TNRC18: variants seen among roughly 807,000 people sequenced by gnomAD.
TNRC18 encodes trinucleotide repeat containing 18.
Under a neutral mutation model 226.7 loss-of-function variants are expected in TNRC18, and 69 were observed. That is an observed-to-expected ratio of 0.30 (90% CI 0.25 to 0.37). TNRC18 has a LOEUF of 0.37. Ranked by LOEUF, TNRC18 falls within the 10% of genes least tolerant of loss-of-function variation. The probability of loss-of-function intolerance (pLI) is 1.00; values close to 1 mark genes in which losing one functional copy is unlikely to be tolerated. For missense variants in TNRC18, 4,754 were observed against 4,256.6 expected (o/e 1.12, Z -3.25); for synonymous variants, 2,449 against 1,927.6 (o/e 1.27, Z -7.09).
Position 5,324,241 on chromosome 7 carries a change from C to T in TNRC18, c.6415G>A (p.Gly2139Arg), listed in dbSNP as rs750047067. Reference sequence around the variant, plus strand: ...GGGGTCAGCGGCCGCTCCACAGCCCCGCCACGCGGCAGGTGCTCGTCCTCA... The same window carrying T: ...GGGGTCAGCGGCCGCTCCACAGCCCTGCCACGCGGCAGGTGCTCGTCCTCA... ...FSEDEHLPRG[G>R]AVERPLTPAP... Residue 2139 changes from glycine (G) to arginine (R), a missense_variant, in exon 21 of 30, where the codon GGG becomes AGG. Transcript: ENST00000430969. The surrounding 1 kb of genome is among the most constrained non-coding windows in gnomAD (Gnocchi z 4.8). The T allele has an allele frequency of 5.7e-5, 91 of 1,610,360 alleles. No homozygotes were observed. The highest frequency in any genetic ancestry group is 3.3e-4 in the Middle Eastern group (2 of 6,046).
At chr7:5,386,757 AAAT>A (rs1779820666) in intron 5 of TNRC18, among the ~76,000 whole-genome samples, 1 of 152,060 alleles carries the variant, frequency 6.6e-6, no homozygotes, top group East Asian at 1.9e-4. Flanking sequence ...CTCTAAAACA[AAAT>A]AATAATTTAT....
At chr7:5,379,688 A>G (rs551299089) in intron 5 of TNRC18, among the ~76,000 whole-genome samples, 137 of 152,334 alleles carry the variant, frequency 9.0e-4, no homozygotes, top group Non-Finnish European at 1.3e-3. Flanking sequence ...TGAGCCAGAG[A>G]TGGGACACAC....
At chr7:5,386,560 C>T (rs181704477) in intron 5 of TNRC18, among the ~76,000 whole-genome samples, 1 of 142,428 alleles carries the variant, frequency 7.0e-6, no homozygotes, top group Admixed American at 7.2e-5. Flanking sequence ...GGCAACAATG[C>T]AAGACTCTGT....
chr7:5,369,131 T>C (rs972126628), intron 11 of TNRC18, among the ~76,000 whole-genome samples: 11 of 152,100 alleles, frequency 7.2e-5, no homozygotes, highest in Admixed American at 7.2e-4. Context: ...GCGGGTCACT[T>C]GAGGTCGGGA....
chr7:5,380,670 C>T (rs1200328177), intron 5 of TNRC18, among the ~76,000 whole-genome samples: 1 of 152,186 alleles, frequency 6.6e-6, no homozygotes, highest in African/African-American at 2.4e-5. Flanking sequence ...GAAGCTGAGC[C>T]CACCATGCAC....
intron 18 of TNRC18, 45 bp downstream of exon 18, chr7:5,345,517 G>GCCACCCCCCC: frequency 1.3e-5 from 5 of 377,744 alleles, no homozygotes; most frequent in South Asian, 8.8e-5. Context: ...AATGGCGTCC[G>GCCACCCCCCC]CCCCTCCCAC....
intron 2 of TNRC18, among the ~76,000 whole-genome samples, chr7:5,402,491 C>T (rs1254352964): frequency 2.0e-5 from 3 of 151,408 alleles, no homozygotes; most frequent in Non-Finnish European, 4.4e-5. Flanking sequence ...GCCGAGATCG[C>T]GCCACCACAC....
rs145329943 is a variant in TNRC18, at chr7:5,417,066, G to T, written c.187+3994C>A. Among the ~76,000 whole-genome samples the T allele has an allele frequency of 5.2e-3, 784 of 152,216 alleles. 7 individuals are homozygous for T. The highest frequency in any genetic ancestry group is 0.018 in the African/African-American group (754 of 41,518). ...AAATCCCAGCACTTTGGGAGGCCAA[G>T]GCAGGAGGAGGCCAGGAGTTTGAGG... On this transcript the variant is annotated intron_variant, in intron 2 of 29. Coordinates refer to ENST00000430969, the MANE Select transcript of TNRC18 (RefSeq NM_001080495.3).
chr7:5,377,839 C>G lies in TNRC18; in HGVS notation c.2255+83G>C, dbSNP rs1779112859. 7 of 1,389,156 alleles carry G rather than the reference C, an allele frequency of 5.0e-6. No homozygotes were observed. 86.1% of individuals were successfully genotyped at this position (1,389,156 alleles called of 1,614,324 possible). A position where few individuals can be genotyped will look rare whatever the true frequency, so the allele number is the denominator to read the frequency against. ...AGCATCCATGGTCGAGGGGCCAAGC[C>G]CACCTGGGGTCATCCAGCTGCCCCT... On this transcript the variant is annotated intron_variant, in intron 6 of 29. Coordinates refer to ENST00000430969, the MANE Select transcript of TNRC18 (RefSeq NM_001080495.3). The surrounding 1 kb of genome is among the most constrained non-coding windows in gnomAD (Gnocchi z 5.8).
intron 2 of TNRC18, among the ~76,000 whole-genome samples, chr7:5,398,252 C>G (rs1248249390): frequency 6.6e-6 from 1 of 152,000 alleles, no homozygotes; most frequent in Non-Finnish European, 1.5e-5. Context: ...CTCACCGCAC[C>G]TTCCGCCACC....
chr7:5,377,545 G>A lies in TNRC18; in HGVS notation c.2287C>T (p.Leu763=). ...ESKELADLAR[L]HPTSCAPNGL... is the part of the protein sequence containing the mutation. ...TTAGGAGCACAGCTGGTAGGGTGCA[G>A]GCGGGCCAGGTCAGCCAGCTCCTTA... The change falls in exon 7 of 30, where the codon CTG becomes TTG. Residue 763 remains leucine (L), a synonymous_variant. Transcript: ENST00000430969. The surrounding 1 kb of genome is among the most constrained non-coding windows in gnomAD (Gnocchi z 5.8). The A allele has an allele frequency of 6.3e-7, 1 of 1,588,684 alleles. No homozygotes were observed. The highest frequency in any genetic ancestry group is 8.6e-7 in the Non-Finnish European group (1 of 1,167,976).
At position 5,376,601 on chromosome 7, in the gene TNRC18, C is replaced by A. The variant is rs73055890; in HGVS notation, c.2608+246G>T. Among the ~76,000 whole-genome samples the A allele has an allele frequency of 5.0e-3, 766 of 152,230 alleles. 3 individuals carry two copies. The highest frequency in any genetic ancestry group is 0.017 in the Middle Eastern group (5 of 294). On this transcript the variant is annotated intron_variant, in intron 8 of 29. Coordinates refer to ENST00000430969, the MANE Select transcript of TNRC18 (RefSeq NM_001080495.3). Reference sequence around the variant, plus strand: ...GGCGGTGGCGCCAGGTAAGGGGAATCCCAGCCCCCACCCAGGGCTGCCTGT... The same window carrying A: ...GGCGGTGGCGCCAGGTAAGGGGAATACCAGCCCCCACCCAGGGCTGCCTGT...
At chr7:5,392,901 A>G (rs1780403005) in intron 3 of TNRC18, among the ~76,000 whole-genome samples, 1 of 152,042 alleles carries the variant, frequency 6.6e-6, no homozygotes, top group African/African-American at 2.4e-5. Context: ...AGTCGCAGCT[A>G]CTCAGGAGGC....
chr7:5,332,613 G>A lies in TNRC18; in HGVS notation c.6147+9C>T, dbSNP rs771811403. On this transcript the variant is annotated intron_variant, in intron 19 of 29. Transcript: ENST00000430969. ...CTTCTGCGGCACCCCCTCCCAGCGC[G>A]GCCCCTACCTTCCTGGGGTCCTTCC... is the stretch of plus-strand genomic sequence containing the variant. 5.3e-6 allele frequency: 8 copies of A among 1,519,120 alleles called. No individual in the cohort carries two copies. Among genetic ancestry groups the A allele is most frequent in the African/African-American group, 2.9e-5 (2 of 69,316 alleles). The allele number at this position is 1,519,120 out of a possible 1,614,324, so 94.1% of individuals were successfully genotyped here.
rs1787360811 is a variant in TNRC18, at chr7:5,312,771, G to C, written c.8120C>G (p.Ala2707Gly). ...AALPTKATKQ[A>G]GKARPSAHSP... Reference sequence around the variant, plus strand: ...GTGGGCCGAGGGCCGCGCCTTGCCGGCCTGCTTGGTGGCCTTGGTGGGGAG... The same window carrying C: ...GTGGGCCGAGGGCCGCGCCTTGCCGCCCTGCTTGGTGGCCTTGGTGGGGAG... Residue 2707 changes from alanine (A) to glycine (G), a missense_variant, in exon 27 of 30, where the codon GCC becomes GGC. Ala to Gly is a moderately conservative substitution (Grantham distance 60, BLOSUM62 0). Transcript: ENST00000430969. This position sits in a 1 kb window ranked among gnomAD's most constrained non-coding sequence, Gnocchi z 6.3. The C allele has an allele frequency of 6.5e-7, 1 of 1,533,560 alleles. No individual in the cohort carries two copies. 95.0% of individuals were successfully genotyped at this position (1,533,560 alleles called of 1,614,324 possible).
chr7:5,344,901 G>A (rs965200484), intron 18 of TNRC18, among the ~76,000 whole-genome samples: 1 of 152,178 alleles, frequency 6.6e-6, no homozygotes, highest in Non-Finnish European at 1.5e-5. Flanking sequence ...TGGAGAGACA[G>A]GAAAGACATG....
chr7:5,325,404 GT>G, intron 19 of TNRC18, 156 bp from the exon 20 acceptor site: 3 of 774,084 alleles, frequency 3.9e-6, no homozygotes, highest in South Asian at 1.9e-5. Flanking sequence ...TCCTGCAAGC[GT>G]TTTTGGTTTT....
chr7:5,325,401 A>C (rs1788799323), intron 19 of TNRC18, 153 bp from the exon 20 acceptor site: 1 of 826,036 alleles, frequency 1.2e-6, no homozygotes, highest in South Asian at 1.8e-5. Context: ...TCTTCCTGCA[A>C]GCGTTTTTGG....
At chr7:5,359,690 G>T in intron 14 of TNRC18, 121 bp from the exon 15 acceptor site, 1 of 1,050,776 alleles carries the variant, frequency 9.5e-7, no homozygotes, top group Non-Finnish European at 1.4e-6. Context: ...TGATGGCAGA[G>T]TGACGGGCGT....
Sources: gnomAD v4.1 joint callset for allele counts (sites outside exome capture counted in the v4.1 genomes callset) on GRCh38, gnomAD v4.1.1 for gene constraint, Gnocchi (gnomAD v3.1) non-coding constraint, MANE v1.5 for transcripts, NCBI Gene and HGNC (gene_info 2026-07-23, HGNC 2026-07-21) for gene names.